Variants in ZNF638 observed in about 807,000 individuals in gnomAD.
ZNF638 encodes the protein zinc finger protein 638.
A neutral mutation model predicts 195.6 loss-of-function variants in ZNF638; 46 were observed. The ratio of observed to expected loss-of-function variants is 0.24; its 90% CI spans 0.19 to 0.30. The LOEUF (loss-of-function observed/expected upper bound fraction) is 0.30, where lower values mean the gene tolerates loss of function less well. Ranked by LOEUF, ZNF638 falls within the 10% of genes least tolerant of loss-of-function variation. ZNF638 has a pLI of 1.00. For missense variants in ZNF638, 2,440 were observed against 2,325.3 expected, an observed-to-expected ratio of 1.05 and a Z score of -1.01; for synonymous variants, 845 against 772.0, an observed-to-expected ratio of 1.09 and a Z score of -1.57.
intron 12 of ZNF638, 57 bp downstream of exon 12, chr2:71,398,829 T>C: frequency 6.9e-7 from 1 of 1,442,806 alleles, no homozygotes; most frequent in South Asian, 1.2e-5. Flanking sequence ...TGTTTTAAAT[T>C]CGTATAATAA....
chr2:71,346,226 C>T (rs1387683429), intron 1 of ZNF638, among the ~76,000 whole-genome samples: 1 of 152,160 alleles, frequency 6.6e-6, no homozygotes, highest in Non-Finnish European at 1.5e-5. Flanking sequence ...ATAAGTGGTT[C>T]AGAAAGCATT....
At chr2:71,365,808 C>G (rs1283808959) in intron 6 of ZNF638, 102 bp downstream of exon 6, 6 of 1,146,772 alleles carry the variant, frequency 5.2e-6, no homozygotes, top group Non-Finnish European at 7.3e-6. Flanking sequence ...CAGCCTCGAT[C>G]TCCTGGGCTC....
chr2:71,426,406 C>G (rs572724014), intron 23 of ZNF638, 54 bp from the exon 24 acceptor site: 215 of 1,291,440 alleles, frequency 1.7e-4, no homozygotes, highest in South Asian at 1.5e-3. Flanking sequence ...TATTTGGAAT[C>G]TAGCCAGTGG....
chr2:71,338,133 C>A (rs980132442), intron 1 of ZNF638, among the ~76,000 whole-genome samples: 2 of 152,130 alleles, frequency 1.3e-5, no homozygotes, highest in African/African-American at 4.8e-5. Flanking sequence ...GCTTGTTTCC[C>A]CCCACTCCCC....
At chr2:71,374,769 A>G (rs1165986318) in intron 8 of ZNF638, 1 of 152,246 alleles carries the variant, frequency 6.6e-6, no homozygotes, top group Non-Finnish European at 1.5e-5. Flanking sequence ...AAATACAAAA[A>G]TTAGCTGGGT....
At chr2:71,399,457 C>CT (rs2079961373) in intron 12 of ZNF638, 102 bp from the exon 13 acceptor site, 2 of 756,382 alleles carry the variant, frequency 2.6e-6, no homozygotes, top group Non-Finnish European at 2.2e-6. Flanking sequence ...AAAAGAGCTG[C>CT]TTTTGTAATA....
chr2:71,387,552 A>AC (rs2079667712), intron 10 of ZNF638, among the ~76,000 whole-genome samples: 1 of 151,796 alleles, frequency 6.6e-6, no homozygotes, highest in South Asian at 2.1e-4. Flanking sequence ...TCTCCTGTAG[A>AC]CCCAGGTACT....
At chr2:71,408,369 A>G in intron 20 of ZNF638, 122 bp downstream of exon 20, 3 of 1,212,994 alleles carry the variant, frequency 2.5e-6, no homozygotes, top group East Asian at 5.3e-5. Flanking sequence ...TTGTGTTGCA[A>G]TCAGTGTTCC....
intron 1 of ZNF638, chr2:71,348,314 A>G (rs1330693458): frequency 5.7e-6 from 4 of 695,730 alleles, no homozygotes; most frequent in Non-Finnish European, 7.1e-6. Context: ...TTTTACAAAA[A>G]TGGGTCTTTT....
At chr2:71,363,330 T>G in intron 4 of ZNF638, 139 bp downstream of exon 4, 1 of 631,524 alleles carries the variant, frequency 1.6e-6, no homozygotes, top group Admixed American at 3.0e-5. Context: ...TATGAATCTT[T>G]AACTTATTCC....
chr2:71,363,942 C>G lies in ZNF638; in HGVS notation c.1419-12C>G, dbSNP rs1432021347. On this transcript the variant is annotated splice_polypyrimidine_tract_variant and intron_variant, in intron 4 of 27. Transcript: ENST00000264447. ...TTGCTGATCACTTTCTTTTCCGCCC[C>G]CCTGCTTGTAGAAATGAGGGCAATA... 3 of 1,599,366 alleles carry G rather than the reference C, an allele frequency of 1.9e-6. No individual in the cohort carries two copies. The highest frequency in any genetic ancestry group is 2.6e-6 in the Non-Finnish European group (3 of 1,172,388).
Position 71,427,096 on chromosome 2 carries a change from A to G in ZNF638, c.5227A>G (p.Ser1743Gly), listed in dbSNP as rs1350518924. 2 of 1,614,212 alleles carry G rather than the reference A, an allele frequency of 1.2e-6. No individual in the cohort carries two copies. The highest frequency in any genetic ancestry group is 1.7e-6 in the Non-Finnish European group (2 of 1,180,028). ...TACTGTAGATGAAATACAAGATGACAGCAGTGATTTGCATTTAGTGACTTT... is the reference window on the plus strand; with the variant it reads ...TACTGTAGATGAAATACAAGATGACGGCAGTGATTTGCATTTAGTGACTTT... ...LVTVDEIQDD[S>G]SDLHLVTLDE... Residue 1743 changes from serine to glycine, a missense_variant, in exon 24 of 28, where the codon AGC becomes GGC. By Grantham distance (56) the Ser-to-Gly change is moderately conservative. Transcript: ENST00000264447.
chr2:71,388,667 A>G (rs745706292), intron 10 of ZNF638: 4 of 999,052 alleles, frequency 4.0e-6, no homozygotes, highest in South Asian at 3.8e-5. Context: ...CGTGAGGAAC[A>G]CTGCAAGGGA....
In ZNF638 at chr2:71,399,650, G is replaced by A. The variant is rs371639454; in HGVS notation, c.2587+5G>A. ...ACAAACCTGTGACTATACCAGGTAA[G>A]CTTGAAATGTGGTCATTCAGTGCTT... On this transcript the variant is annotated splice_donor_5th_base_variant and intron_variant, in intron 13 of 27. Coordinates refer to ENST00000264447, the MANE Select transcript of ZNF638 (RefSeq NM_014497.5). The A allele has an allele frequency of 3.1e-6, 5 of 1,601,812 alleles. No individual in the cohort carries two copies. The highest frequency in any genetic ancestry group is 1.4e-5 in the African/African-American group (1 of 74,004).
rs574370841 is a variant in ZNF638 at position 71,433,523 on chromosome 2, C to G, written c.5871+240C>G. 20 of 368,490 alleles carry G rather than the reference C, an allele frequency of 5.4e-5. No individual in the cohort carries two copies. In the South Asian group the frequency reaches 8.1e-4, roughly 15 times the overall value. 22.8% of individuals were successfully genotyped at this position (368,490 alleles called of 1,614,324 possible). A position where few individuals can be genotyped will look rare whatever the true frequency, so the allele number is the denominator to read the frequency against. Reference sequence around the variant, plus strand: ...TGCAGATCACTAGTCTCATATGACACTCCATTATTAAAGTAAGAAACTGCA... The same window carrying G: ...TGCAGATCACTAGTCTCATATGACAGTCCATTATTAAAGTAAGAAACTGCA... On this transcript the variant is annotated intron_variant, in intron 27 of 27. Transcript: ENST00000264447.
chr2:71,391,731 C>T (rs2079782812), intron 10 of ZNF638, among the ~76,000 whole-genome samples: 1 of 152,106 alleles, frequency 6.6e-6, no homozygotes, highest in African/African-American at 2.4e-5. Flanking sequence ...ACTGGCATCC[C>T]CCCACCTTGG....
chr2:71,391,866 T>A (rs2104399075), intron 10 of ZNF638, among the ~76,000 whole-genome samples: 1 of 152,282 alleles, frequency 6.6e-6, no homozygotes, highest in African/African-American at 2.4e-5. Flanking sequence ...AAGTTATTTC[T>A]CAGAGACAAC....
chr2:71,410,992 C>CTTTTTT (rs775391313), intron 20 of ZNF638, among the ~76,000 whole-genome samples: 9 of 24,502 alleles, frequency 3.7e-4, no homozygotes, highest in African/African-American at 4.4e-4. Flanking sequence ...CTCCCCCCCC[C>CTTTTTT]TTTTTTTTTT....
chr2:71,401,972 G>T lies in ZNF638; in HGVS notation c.2714G>T (p.Cys905Phe), dbSNP rs1420437589. The T allele has an allele frequency of 6.3e-7, 1 of 1,587,518 alleles. No homozygotes were observed. Among genetic ancestry groups the T allele is most frequent in the Non-Finnish European group, 8.6e-7 (1 of 1,167,782 alleles). The stretch of plus-strand genomic sequence containing the variant: ...GTTTTGAAGGAAACAGAAGAAATGT[G>T]TGTGATGCTTGTCTCTAATTTGCCT... ...EPLNKETEEM[C>F]VMLVSNLPNK... Residue 905 changes from cysteine (C) to phenylalanine (F), a missense_variant, in exon 16 of 28, where the codon TGT (cysteine) becomes TTT (phenylalanine). Physicochemically the swap from Cys to Phe is radical, Grantham distance 205. Coordinates refer to ENST00000264447, the MANE Select transcript of ZNF638 (RefSeq NM_014497.5).
Sources: gnomAD v4.1 joint callset for allele counts (sites outside exome capture counted in the v4.1 genomes callset) on GRCh38, gnomAD v4.1.1 for gene constraint, MANE v1.5 for transcripts, NCBI Gene and HGNC (gene_info 2026-07-23, HGNC 2026-07-21) for gene names.